Variants in PPP1R21 observed in about 807,000 individuals in gnomAD.
PPP1R21 encodes KLRAQ motif containing 1.
A neutral mutation model predicts 112.8 loss-of-function variants in PPP1R21; 85 were observed. The observed-to-expected ratio is 0.75, with a 90% CI of 0.63 to 0.90. The LOEUF is 0.90. Among genes scored for constraint, PPP1R21 ranks in the 40% least tolerant of loss-of-function variants. PPP1R21 has a pLI of 0.00. For missense variants in PPP1R21, 1,199 were observed against 901.5 expected (o/e 1.33, Z -4.23); for synonymous variants, 381 against 322.3 (o/e 1.18, Z -1.95).
intron 19 of PPP1R21, among the ~76,000 whole-genome samples, 170 bp downstream of exon 19, chr2:48,507,555 G>C (rs1670439278): frequency 6.6e-6 from 1 of 151,974 alleles, no homozygotes; most frequent in South Asian, 2.1e-4. Flanking sequence ...TTTTAGTAGA[G>C]ACGGGGTTTC....
chr2:48,505,672 C>G lies in PPP1R21; in HGVS notation c.1968+76C>G, dbSNP rs77314015. The G allele has an allele frequency of 3.7e-4, 448 of 1,202,266 alleles. 5 individuals are homozygous for G. In the East Asian group the frequency reaches 0.011, roughly 30 times the overall value. 74.5% of individuals were successfully genotyped at this position (1,202,266 alleles called of 1,614,324 possible). ...GTTTGTTGACAAAGTCCTGCAAAAGCCATCTTTGTCTAATTGTTGTTGTTG... is the reference window on the plus strand; with the variant it reads ...GTTTGTTGACAAAGTCCTGCAAAAGGCATCTTTGTCTAATTGTTGTTGTTG... On this transcript the variant is annotated intron_variant, in intron 18 of 21. Transcript: ENST00000294952.
chr2:48,511,319 G>T, intron 20 of PPP1R21, 21 bp from the exon 21 acceptor site: 2 of 1,601,386 alleles, frequency 1.2e-6, no homozygotes, highest in Admixed American at 1.8e-5. Context: ...GTTGATTTTT[G>T]TCTTTTTCTT....
chr2:48,453,445 G>T (rs911198226), intron 2 of PPP1R21, among the ~76,000 whole-genome samples: 17 of 151,050 alleles, frequency 1.1e-4, no homozygotes, highest in Non-Finnish European at 1.5e-4. Context: ...CTCCTGTCTC[G>T]GCTTCCCAAA....
chr2:48,480,114 C>T, intron 13 of PPP1R21, 98 bp downstream of exon 13: 2 of 837,148 alleles, frequency 2.4e-6, no homozygotes, highest in South Asian at 1.4e-5. Context: ...GGTAATAGAC[C>T]CCAGATAAAG....
rs1668183946 is a variant in PPP1R21 at position 48,465,962 on chromosome 2, G to A, written c.897+320G>A. Among the ~76,000 whole-genome samples the A allele has an allele frequency of 5.9e-5, 9 of 152,180 alleles. No homozygotes were observed. The South Asian group carries it at 1.9e-3, about 31-fold the overall frequency. Reference sequence around the variant, plus strand: ...TGGCTGGGGAGGCCTCACAATCAAGGCAAAGAGGAGCAAGTCATGTGTTTC... The same window carrying A: ...TGGCTGGGGAGGCCTCACAATCAAGACAAAGAGGAGCAAGTCATGTGTTTC... On this transcript the variant is annotated intron_variant, in intron 9 of 21. Coordinates refer to ENST00000294952, the MANE Select transcript of PPP1R21 (RefSeq NM_001135629.3).
At chr2:48,482,052 C>G (rs530688237) in intron 13 of PPP1R21, among the ~76,000 whole-genome samples, 27 of 152,292 alleles carry the variant, frequency 1.8e-4, no homozygotes, top group African/African-American at 6.0e-4. Context: ...ATTCCAAAAT[C>G]TGAAGAAATC....
intron 14 of PPP1R21, 97 bp from the exon 15 acceptor site, chr2:48,490,921 C>G (rs1218637684): frequency 9.5e-7 from 1 of 1,047,274 alleles, no homozygotes; most frequent in Non-Finnish European, 1.4e-6. Flanking sequence ...CATTTCCATT[C>G]TCAACATCTT....
chr2:48,483,998 C>G lies in PPP1R21; in HGVS notation c.1319-2633C>G, dbSNP rs139512159. ...CTACCGTGCCCAGCCTAATGTATTACTCTTTATATAGGAATACCTATTCAC... is the reference window on the plus strand; with the variant it reads ...CTACCGTGCCCAGCCTAATGTATTAGTCTTTATATAGGAATACCTATTCAC... On this transcript the variant is annotated intron_variant, in intron 13 of 21. Transcript: ENST00000294952. Among the ~76,000 whole-genome samples the G allele has an allele frequency of 6.3e-3, 958 of 152,230 alleles. 16 individuals are homozygous for G. The highest frequency in any genetic ancestry group is 0.021 in the African/African-American group (887 of 41,536).
intron 1 of PPP1R21, among the ~76,000 whole-genome samples, chr2:48,442,822 G>A (rs148317329): frequency 5.3e-5 from 8 of 152,098 alleles, no homozygotes; most frequent in Admixed American, 5.2e-4. Flanking sequence ...AGATAATTTG[G>A]ACCCTATTAT....
chr2:48,476,951 G>C (rs1045998150), intron 12 of PPP1R21, among the ~76,000 whole-genome samples: 1 of 151,926 alleles, frequency 6.6e-6, no homozygotes, highest in East Asian at 1.9e-4. Flanking sequence ...TTTTGATGAA[G>C]TCCAGTTTCC....
At chr2:48,456,223 T>C (rs1167117669) in intron 3 of PPP1R21, among the ~76,000 whole-genome samples, 3 of 151,818 alleles carry the variant, frequency 2.0e-5, no homozygotes, top group African/African-American at 7.3e-5. Context: ...TCTGGTACTT[T>C]TGAACATTGT....
chr2:48,469,531 T>TAGAGC (rs1314131149), intron 9 of PPP1R21, among the ~76,000 whole-genome samples: 9 of 65,834 alleles, frequency 1.4e-4, no homozygotes, highest in South Asian at 1.0e-3. Flanking sequence ...TATATATATA[T>TAGAGC]ATATAGAGCA....
chr2:48,465,709 A>C, intron 9 of PPP1R21, 67 bp downstream of exon 9: 1 of 1,458,674 alleles, frequency 6.9e-7, no homozygotes, highest in Non-Finnish European at 9.4e-7. Context: ...TTGTTTTTAG[A>C]CCTCTTCTGT....
chr2:48,454,862 C>A, intron 3 of PPP1R21, 121 bp downstream of exon 3: 1 of 764,366 alleles, frequency 1.3e-6, no homozygotes, highest in Non-Finnish European at 2.2e-6. Context: ...TTGTTTGAGA[C>A]AGGGTCTTGC....
chr2:48,508,278 T>C (rs1280701450), intron 19 of PPP1R21, among the ~76,000 whole-genome samples: 3 of 152,134 alleles, frequency 2.0e-5, no homozygotes, highest in Non-Finnish European at 4.4e-5. Context: ...AAAAAGTCAG[T>C]TATGGATGGC....
chr2:48,455,742 C>T (rs1379660157), intron 3 of PPP1R21, among the ~76,000 whole-genome samples: 4 of 152,046 alleles, frequency 2.6e-5, no homozygotes, highest in East Asian at 1.9e-4. Context: ...CGGCCGGGCG[C>T]GGTGGCTCAC....
chr2:48,474,901 T>A, intron 12 of PPP1R21, 82 bp downstream of exon 12: 2 of 1,224,352 alleles, frequency 1.6e-6, no homozygotes, highest in Non-Finnish European at 2.3e-6. Context: ...TTTAGCTAAG[T>A]AGAGTGAGAG....
intron 11 of PPP1R21, among the ~76,000 whole-genome samples, chr2:48,471,670 C>A (rs1008719990): frequency 4.6e-5 from 7 of 152,118 alleles, no homozygotes; most frequent in African/African-American, 1.7e-4. Context: ...ACGTTAGGAT[C>A]TATAAATTTT....
Position 48,498,296 on chromosome 2 carries a change from A to G in PPP1R21, c.1693-197A>G, listed in dbSNP as rs555908702. On this transcript the variant is annotated intron_variant, in intron 16 of 21. Transcript: ENST00000294952. Reference sequence around the variant, plus strand: ...GTAGAGTTTTTTTTTTTATCTCACTATAGTTTAATTTCTCGATTTATGGTT... The same window carrying G: ...GTAGAGTTTTTTTTTTTATCTCACTGTAGTTTAATTTCTCGATTTATGGTT... Among the ~76,000 whole-genome samples, 74 of 150,106 alleles carry G rather than the reference A, an allele frequency of 4.9e-4. 1 individual carries two copies. The highest frequency in any genetic ancestry group is 1.5e-3 in the African/African-American group (61 of 40,988).
Sources: allele counts gnomAD v4.1 joint callset (sites outside exome capture counted in the v4.1 genomes callset), GRCh38; gene constraint gnomAD v4.1.1; transcripts MANE v1.5; gene names NCBI Gene and HGNC (gene_info 2026-07-23, HGNC 2026-07-21).